RBFOX1: variants seen among roughly 807,000 people sequenced by gnomAD.
The protein encoded by RBFOX1 is RNA binding protein fox-1 homolog 1.
In RBFOX1, 8 loss-of-function variants were observed where a neutral mutation model predicts 57.7. The observed-to-expected ratio is 0.14, with a 90% CI of 0.08 to 0.25. The LOEUF (loss-of-function observed/expected upper bound fraction) is 0.25, where lower values mean the gene tolerates loss of function less well. RBFOX1 is among the 10% of genes least tolerant of loss of function. The probability of loss-of-function intolerance (pLI) is 1.00; values close to 1 mark genes in which losing one functional copy is unlikely to be tolerated. For missense variants in RBFOX1, 611 were observed against 548.5 expected (o/e 1.11, Z -1.14); for synonymous variants, 326 against 222.4 (o/e 1.47, Z -4.15).
intron 4 of RBFOX1, among the ~76,000 whole-genome samples, chr16:7,452,668 C>G (rs772657719): frequency 1.3e-5 from 2 of 152,162 alleles, no homozygotes; most frequent in Admixed American, 1.3e-4. Flanking sequence ...TGTATAGGCT[C>G]AGACTTCATG....
intron 3 of RBFOX1, among the ~76,000 whole-genome samples, chr16:5,747,648 T>G (rs537976052): frequency 6.6e-6 from 1 of 151,140 alleles, no homozygotes; most frequent in Non-Finnish European, 1.5e-5. Flanking sequence ...TTCTTCTAGA[T>G]TTTCTAGTTT....
intron 2 of RBFOX1, among the ~76,000 whole-genome samples, chr16:6,380,501 T>C (rs1207700714): frequency 7.2e-6 from 1 of 139,148 alleles, no homozygotes; most frequent in African/African-American, 2.7e-5. Flanking sequence ...ACTTATGGTC[T>C]AGAGATGGCA....
At chr16:6,243,352 C>G (rs1231853124) in intron 1 of RBFOX1, among the ~76,000 whole-genome samples, 1 of 152,102 alleles carries the variant, frequency 6.6e-6, no homozygotes, top group African/African-American at 2.4e-5. Flanking sequence ...TCTTTAAACT[C>G]CAAGTACTTC....
chr16:6,362,187 A>G (rs74913635), intron 2 of RBFOX1, among the ~76,000 whole-genome samples: 15 of 152,146 alleles, frequency 9.9e-5, no homozygotes, highest in Admixed American at 3.3e-4. Flanking sequence ...CGCCCCCCCA[A>G]AAAACAAAAT....
chr16:7,633,795 C>A (rs918290226), intron 11 of RBFOX1, among the ~76,000 whole-genome samples: 2 of 152,154 alleles, frequency 1.3e-5, no homozygotes, highest in African/African-American at 2.4e-5. Context: ...TTAAGTTTAT[C>A]CGCAAATCCC....
At chr16:5,348,451 C>T (rs1434833083) in intron 1 of RBFOX1, among the ~76,000 whole-genome samples, 1 of 152,158 alleles carries the variant, frequency 6.6e-6, no homozygotes, top group African/African-American at 2.4e-5. Context: ...GAAGTAGGCA[C>T]TATTATCACA....
chr16:5,427,956 G>C (rs1420464489), intron 1 of RBFOX1, among the ~76,000 whole-genome samples: 2 of 152,208 alleles, frequency 1.3e-5, no homozygotes, highest in African/African-American at 4.8e-5. Flanking sequence ...GCACCCGCTG[G>C]AAACTCTTGA....
intron 14 of RBFOX1, chr16:7,693,245 T>C: frequency 7.4e-7 from 1 of 1,353,070 alleles, no homozygotes; most frequent in East Asian, 2.3e-5. Flanking sequence ...TCTGTACACA[T>C]CGAAGCAATT....
At chr16:6,955,630 AAATT>A (rs74268742) in intron 3 of RBFOX1, among the ~76,000 whole-genome samples, 24,346 of 151,984 alleles carry the variant, frequency 0.16, 2,135 homozygotes, top group Non-Finnish European at 0.19. Flanking sequence ...ATATGAGAGA[AAATT>A]AATAGTATTT....
chr16:7,318,747 A>T (rs1284744970), intron 4 of RBFOX1, among the ~76,000 whole-genome samples: 1 of 152,186 alleles, frequency 6.6e-6, no homozygotes, highest in African/African-American at 2.4e-5. Context: ...TAGCAGGCTG[A>T]AAAGGCTGTC....
chr16:5,425,470 GC>G (rs2067531063), intron 1 of RBFOX1, among the ~76,000 whole-genome samples: 1 of 152,066 alleles, frequency 6.6e-6, no homozygotes, highest in Admixed American at 6.6e-5. Context: ...CCCTGCCATA[GC>G]CCCCAAGTCT....
At chr16:7,658,746 A>G (rs1245991132) in intron 12 of RBFOX1, among the ~76,000 whole-genome samples, 1 of 152,160 alleles carries the variant, frequency 6.6e-6, no homozygotes, top group African/African-American at 2.4e-5. Context: ...TATTTTTGAG[A>G]TGGAGTCTTG....
At chr16:7,272,193 A>T (rs1371077024) in intron 4 of RBFOX1, among the ~76,000 whole-genome samples, 3 of 151,746 alleles carry the variant, frequency 2.0e-5, no homozygotes, top group African/African-American at 7.3e-5. Flanking sequence ...TCCCTATTTT[A>T]TTTTTTTTGA....
At chr16:7,624,475 A>T (rs990800528) in intron 10 of RBFOX1, among the ~76,000 whole-genome samples, 4 of 152,208 alleles carry the variant, frequency 2.6e-5, no homozygotes, top group African/African-American at 9.7e-5. Flanking sequence ...ACCTATGAGC[A>T]CTAAACGTGA....
chr16:5,671,699 G>A lies in RBFOX1; in HGVS notation c.318+72738G>A, dbSNP rs550807464. ...TGCTAATGCAAACCCTTCTGAAAGG[G>A]GTGCCTCTCTCACCCTGTTATTTTA... On this transcript the variant is annotated intron_variant, in intron 3 of 19. Transcript: ENST00000641259. 2.6e-5 allele frequency among the ~76,000 whole-genome samples: 4 copies of A among 152,274 alleles called. No homozygotes were observed. In the East Asian group the frequency reaches 7.7e-4, roughly 29 times the overall value.
Position 6,555,339 on chromosome 16 carries a change from G to A in RBFOX1, c.-63-99264G>A, listed in dbSNP as rs185220301. 4.3e-4 allele frequency among the ~76,000 whole-genome samples: 66 copies of A among 152,220 alleles called. No homozygotes were observed. The Middle Eastern group carries it at 0.014, about 31-fold the overall frequency. On this transcript the variant is annotated intron_variant, in intron 2 of 15. Transcript: ENST00000550418. Reference sequence around the variant, plus strand: ...CCATCATTTCCAGTGTTATGGTAATGCGAAAGCTTGATGAAATATGGGTTT... The same window carrying A: ...CCATCATTTCCAGTGTTATGGTAATACGAAAGCTTGATGAAATATGGGTTT...
At position 6,958,351 on chromosome 16, in the gene RBFOX1, A is replaced by G. The variant is rs532910444; in HGVS notation, c.-15-93706A>G. ...TTAACCTTCTGAATCCTCAAGTAGCATTTTTATCACCCACCATTAGAAAAG... is the reference window on the plus strand; with the variant it reads ...TTAACCTTCTGAATCCTCAAGTAGCGTTTTTATCACCCACCATTAGAAAAG... On this transcript the variant is annotated intron_variant, in intron 3 of 15. Coordinates refer to ENST00000550418, the MANE Select transcript of RBFOX1 (RefSeq NM_018723.4). Among the ~76,000 whole-genome samples the G allele has an allele frequency of 1.8e-3, 273 of 152,254 alleles. 1 individual carries two copies. The highest frequency in any genetic ancestry group is 2.7e-3 in the Non-Finnish European group (187 of 68,016).
Position 6,543,690 on chromosome 16 carries a change from C to G in RBFOX1, c.-63-110913C>G, listed in dbSNP as rs932240363. Among the ~76,000 whole-genome samples the G allele has an allele frequency of 1.5e-4, 23 of 152,130 alleles. 1 individual carries two copies. The highest frequency in any genetic ancestry group is 3.4e-3 in the Middle Eastern group (1 of 294). On this transcript the variant is annotated intron_variant, in intron 2 of 15. Transcript: ENST00000550418. ...TTGGCAGGGGAGGAGAGAGGAGAAC[C>G]TACGGGATTATGTGGAAGTCTTTCC...
At chr16:6,532,535 C>T (rs1004893525) in intron 2 of RBFOX1, among the ~76,000 whole-genome samples, 1 of 152,148 alleles carries the variant, frequency 6.6e-6, no homozygotes, top group Non-Finnish European at 1.5e-5. Flanking sequence ...TTCCTCTGTA[C>T]CCTTTAAATA....
Sources: allele counts gnomAD v4.1 joint callset (sites outside exome capture counted in the v4.1 genomes callset), GRCh38; gene constraint gnomAD v4.1.1; transcripts MANE v1.5; gene names NCBI Gene and HGNC (gene_info 2026-07-23, HGNC 2026-07-21).